Variants in UBA2 observed in about 807,000 individuals in gnomAD.
UBA2 encodes the protein SUMO-activating enzyme subunit 2.
A neutral mutation model predicts 77.2 loss-of-function variants in UBA2; 11 were observed. The observed-to-expected ratio is 0.14, with a 90% CI of 0.09 to 0.24. The LOEUF (loss-of-function observed/expected upper bound fraction) is 0.24, where lower values mean the gene tolerates loss of function less well. Ranked by LOEUF, UBA2 falls within the 10% of genes least tolerant of loss-of-function variation. The pLI is 1.00. For missense variants in UBA2, 487 were observed against 781.7 expected, an observed-to-expected ratio of 0.62 and a Z score of 4.50; for synonymous variants, 278 against 276.7, an observed-to-expected ratio of 1.00 and a Z score of -0.05.
chr19:34,428,671 C>G (rs1018493485), intron 1 of UBA2, 101 bp downstream of exon 1: 5 of 1,219,070 alleles, frequency 4.1e-6, no homozygotes, highest in Non-Finnish European at 5.1e-6. Context: ...GGGCCCGGAG[C>G]CCGGGACCGG....
intron 6 of UBA2, among the ~76,000 whole-genome samples, chr19:34,443,604 G>A (rs1040976160): frequency 6.6e-6 from 1 of 151,956 alleles, no homozygotes; most frequent in Non-Finnish European, 1.5e-5. Flanking sequence ...ACCACGCCTG[G>A]CTAATTTTTA....
In UBA2 at chr19:34,445,209, A is replaced by G. The variant is rs1212314225; in HGVS notation, c.771+88A>G. ...AGTTCTGCTTGTTTTAAAATAGTCC[A>G]TAAAATTGAATTAAGCTTCTATGTA... On this transcript the variant is annotated intron_variant, in intron 8 of 16. Transcript: ENST00000246548. The G allele has an allele frequency of 2.2e-6, 3 of 1,346,494 alleles. No individual in the cohort carries two copies. In the African/African-American group the frequency reaches 4.4e-5, roughly 20 times the overall value. 83.4% of individuals were successfully genotyped at this position (1,346,494 alleles called of 1,614,324 possible).
intron 6 of UBA2, among the ~76,000 whole-genome samples, chr19:34,441,601 T>C (rs2075370387): frequency 1.3e-5 from 2 of 152,182 alleles, no homozygotes; most frequent in African/African-American, 4.8e-5. Context: ...AAAGTATACA[T>C]AACAGTGTCA....
intron 2 of UBA2, among the ~76,000 whole-genome samples, chr19:34,431,244 CTTTTTTTTTTT>C (rs1184297228): frequency 3.0e-4 from 21 of 69,388 alleles, no homozygotes; most frequent in African/African-American, 6.5e-4. Flanking sequence ...ATTTTCTTTT[CTTTTTTTTTTT>C]TTTTTTTTTT....
chr19:34,428,789 C>A, intron 1 of UBA2: 2 of 1,146,706 alleles, frequency 1.7e-6, no homozygotes, highest in Middle Eastern at 3.4e-4. Context: ...CGGCTCCGGA[C>A]GCCGAGGAGG....
At chr19:34,443,668 C>G (rs1735860016) in intron 6 of UBA2, among the ~76,000 whole-genome samples, 176 bp from the exon 7 acceptor site, 1 of 151,954 alleles carries the variant, frequency 6.6e-6, no homozygotes. Flanking sequence ...TCTCGAACTC[C>G]TGACTTTGTG....
intron 8 of UBA2, among the ~76,000 whole-genome samples, chr19:34,448,286 A>T (rs956026002): frequency 6.6e-6 from 1 of 152,112 alleles, no homozygotes; most frequent in African/African-American, 2.4e-5. Flanking sequence ...TATATGGTGA[A>T]GATCAGTGGA....
rs191897230 is a variant in UBA2 at position 34,467,693 on chromosome 19, G to C, written c.1741+679G>C. Among the ~76,000 whole-genome samples the C allele has an allele frequency of 4.6e-5, 7 of 152,210 alleles. No homozygotes were observed. In the East Asian group the frequency reaches 1.4e-3, roughly 29 times the overall value. ...CGGGAGGCTGAGGCAGGAGGCGGAG[G>C]TTGCAGTGAGCTGGGATCGCGCCAC... On this transcript the variant is annotated intron_variant, in intron 16 of 16. Coordinates refer to ENST00000246548, the MANE Select transcript of UBA2 (RefSeq NM_005499.3).
rs770373263 is a variant in UBA2, at chr19:34,434,938, G to T, written c.429G>T (p.Gly143=). 1.1e-5 allele frequency: 18 copies of T among 1,609,088 alleles called. No individual in the cohort carries two copies. In the South Asian group the frequency reaches 2.0e-4, roughly 18 times the overall value. The stretch of plus-strand genomic sequence containing the variant: ...CTCTTATTGAAAGTGGAACAGCTGG[G>T]TATCTTGGACAAGTAACTACTATCA... ...DVPLIESGTA[G]YLGQVTTIKK... Residue 143 remains glycine (G), a synonymous_variant, in exon 5 of 17, where the codon GGG becomes GGT. Transcript: ENST00000246548.
Position 34,466,943 on chromosome 19 carries a change from A to C in UBA2, c.1670A>C (p.Lys557Thr). The change falls in exon 16 of 17, where the codon AAA becomes ACA. Residue 557 changes from lysine (K) to threonine (T), a missense_variant. By Grantham distance (78) the Lys-to-Thr change is moderately conservative. Around this residue, in one of 9 missense-constraint regions of UBA2, gnomAD observed 300 missense variants for 454.3 expected, o/e 0.66. Coordinates refer to ENST00000246548, the MANE Select transcript of UBA2 (RefSeq NM_005499.3). ...VGDAPEKVGP[K>T]QAEDAAKSIT... ...GATGCCCCGGAAAAAGTGGGGCCCA[A>C]ACAAGCTGAAGATGCTGCCAAAAGC... 6.2e-7 allele frequency: 1 copy of C among 1,614,060 alleles called. No individual in the cohort carries two copies. Among genetic ancestry groups the C allele is most frequent in the Non-Finnish European group, 8.5e-7 (1 of 1,180,026 alleles).
At chr19:34,457,179 A>AAATATATATATATATATATATAT (rs1262007864) in intron 12 of UBA2, among the ~76,000 whole-genome samples, 1 of 53,222 alleles carries the variant, frequency 1.9e-5, no homozygotes, top group Non-Finnish European at 3.0e-5. Context: ...AAAAAAAAAA[A>AAATATATATATATATATATATAT]ATATATATAT....
At chr19:34,444,600 A>T (rs1475100746) in intron 7 of UBA2, among the ~76,000 whole-genome samples, 1 of 152,054 alleles carries the variant, frequency 6.6e-6, no homozygotes, top group East Asian at 1.9e-4. Flanking sequence ...TGAGGTCAGG[A>T]GTTTGAGACC....
intron 6 of UBA2, among the ~76,000 whole-genome samples, chr19:34,443,104 A>G (rs1242141929): frequency 6.6e-6 from 1 of 152,232 alleles, no homozygotes; most frequent in African/African-American, 2.4e-5. Flanking sequence ...CCATTCTACC[A>G]TGAAAAAAAG....
chr19:34,432,024 A>G (rs2075262024), intron 3 of UBA2, 93 bp downstream of exon 3: 2 of 982,210 alleles, frequency 2.0e-6, no homozygotes, highest in African/African-American at 3.3e-5. Context: ...AAAAAAAATG[A>G]TTTTTCTAGA....
chr19:34,456,025 C>T (rs1480129898), intron 12 of UBA2, among the ~76,000 whole-genome samples: 2 of 151,698 alleles, frequency 1.3e-5, no homozygotes, highest in Non-Finnish European at 2.9e-5. Flanking sequence ...AGTCCTCCCA[C>T]CTTGGCCCCC....
chr19:34,455,625 A>G (rs1173478935), intron 12 of UBA2, among the ~76,000 whole-genome samples: 1 of 152,186 alleles, frequency 6.6e-6, no homozygotes, highest in Non-Finnish European at 1.5e-5. Flanking sequence ...GTTATTTTGC[A>G]GTGTCATTGA....
At chr19:34,444,942 A>G in intron 7 of UBA2, 58 bp from the exon 8 acceptor site, 1 of 1,543,898 alleles carries the variant, frequency 6.5e-7, no homozygotes, top group Non-Finnish European at 8.7e-7. Flanking sequence ...AAGGTGAGTG[A>G]AAAGAGTTCA....
intron 16 of UBA2, 129 bp downstream of exon 16, chr19:34,467,143 G>A: frequency 1.8e-6 from 2 of 1,125,602 alleles, no homozygotes; most frequent in Non-Finnish European, 2.5e-6. Flanking sequence ...GGTATTGATT[G>A]TTGTAATGGA....
intron 8 of UBA2, among the ~76,000 whole-genome samples, chr19:34,449,317 C>T (rs945290581): frequency 6.6e-5 from 5 of 75,522 alleles, no homozygotes; most frequent in South Asian, 4.9e-4. Flanking sequence ...ATCCACCTAC[C>T]TTGGTCTCCC....
Sources: allele counts gnomAD v4.1 joint callset (sites outside exome capture counted in the v4.1 genomes callset), GRCh38; gene constraint gnomAD v4.1.1; regional missense constraint gnomAD v4.1.1; transcripts MANE v1.5; gene names NCBI Gene and HGNC (gene_info 2026-07-23, HGNC 2026-07-21).